LRRTM3: variants seen among roughly 807,000 people sequenced by gnomAD.
LRRTM3 encodes the protein leucine-rich repeat transmembrane neuronal protein 3.
A neutral mutation model predicts 44.7 loss-of-function variants in LRRTM3; 24 were observed. That is an observed-to-expected ratio of 0.54 (90% CI 0.39 to 0.76). The LOEUF is 0.76. Ranked by LOEUF, LRRTM3 falls within the 30% of genes least tolerant of loss-of-function variation. The pLI is 0.00. For synonymous variants in LRRTM3, 277 were observed against 278.7 expected, an observed-to-expected ratio of 0.99 and a Z score of 0.06; for missense variants, 587 against 702.2, an observed-to-expected ratio of 0.84 and a Z score of 1.85.
At chr10:66,947,348 C>G (rs1198063794) in intron 2 of LRRTM3, among the ~76,000 whole-genome samples, 1 of 152,154 alleles carries the variant, frequency 6.6e-6, no homozygotes, top group Non-Finnish European at 1.5e-5. Flanking sequence ...CTATCACACT[C>G]AATGCTGGTT....
At chr10:67,065,755 A>G (rs1247970927) in intron 2 of LRRTM3, among the ~76,000 whole-genome samples, 1 of 152,174 alleles carries the variant, frequency 6.6e-6, no homozygotes, top group African/African-American at 2.4e-5. Context: ...TATGTGAATG[A>G]CCAAATGGAA....
intron 2 of LRRTM3, among the ~76,000 whole-genome samples, chr10:67,005,703 T>TTTTTTTTTTTTTTTTTTA (rs1417141930): frequency 7.3e-6 from 1 of 136,220 alleles, no homozygotes. Context: ...TTTTTTTTTT[T>TTTTTTTTTTTTTTTTTTA]GAGACGGAGT....
intron 2 of LRRTM3, chr10:67,012,440 AGCTCACAATTGT>A (rs1287998470): frequency 6.6e-6 from 1 of 152,210 alleles, no homozygotes; most frequent in Non-Finnish European, 1.5e-5. Context: ...AAATTGTTAT[AGCTCACAATTGT>A]GAGGAAATTA....
chr10:67,035,963 C>G (rs1376375217), intron 2 of LRRTM3, among the ~76,000 whole-genome samples: 1 of 152,020 alleles, frequency 6.6e-6, no homozygotes, highest in Admixed American at 6.6e-5. Flanking sequence ...TCTTGCTTTT[C>G]TTTTTTGACA....
intron 2 of LRRTM3, among the ~76,000 whole-genome samples, chr10:66,943,263 C>T (rs1476377879): frequency 6.6e-6 from 1 of 152,044 alleles, no homozygotes; most frequent in African/African-American, 2.4e-5. Flanking sequence ...TAGCATAAAC[C>T]TCATAGAGCT....
intron 2 of LRRTM3, among the ~76,000 whole-genome samples, chr10:66,959,584 A>G (rs1849007520): frequency 6.6e-6 from 1 of 152,114 alleles, no homozygotes; most frequent in African/African-American, 2.4e-5. Flanking sequence ...AATCTGGAAA[A>G]TGAACTGGTG....
chr10:66,932,321 GAACTCAAAT>G (rs1847449237), intron 2 of LRRTM3, among the ~76,000 whole-genome samples: 1 of 152,160 alleles, frequency 6.6e-6, no homozygotes, highest in South Asian at 2.1e-4. Context: ...ACCAAAATGA[GAACTCAAAT>G]CGTTTATTTA....
chr10:67,087,100 T>C (rs1857351744), intron 2 of LRRTM3, among the ~76,000 whole-genome samples: 1 of 152,106 alleles, frequency 6.6e-6, no homozygotes, highest in African/African-American at 2.4e-5. Context: ...CTCATCACTT[T>C]ACCTGGCAAT....
At chr10:66,934,674 T>C (rs952349360) in intron 2 of LRRTM3, among the ~76,000 whole-genome samples, 7 of 152,142 alleles carry the variant, frequency 4.6e-5, no homozygotes, top group African/African-American at 1.4e-4. Flanking sequence ...GGACTTTATG[T>C]ATAGGGGTAC....
chr10:67,065,358 G>A (rs1211484980), intron 2 of LRRTM3, among the ~76,000 whole-genome samples: 2 of 152,116 alleles, frequency 1.3e-5, no homozygotes, highest in Non-Finnish European at 2.9e-5. Context: ...TTATGAAAAT[G>A]AGGAGGCTTT....
At chr10:66,980,567 C>CAGGAA (rs1850370458) in intron 2 of LRRTM3, among the ~76,000 whole-genome samples, 1 of 152,080 alleles carries the variant, frequency 6.6e-6, no homozygotes, top group Non-Finnish European at 1.5e-5. Context: ...GACCTTCCTA[C>CAGGAA]CCACCTGTGA....
chr10:66,982,218 G>A (rs917218433), intron 2 of LRRTM3, among the ~76,000 whole-genome samples: 1 of 152,172 alleles, frequency 6.6e-6, no homozygotes, highest in Non-Finnish European at 1.5e-5. Flanking sequence ...CCCTTTAAGG[G>A]CAGCCAAGAG....
chr10:66,966,251 A>G (rs1849404082), intron 2 of LRRTM3, among the ~76,000 whole-genome samples: 2 of 152,178 alleles, frequency 1.3e-5, no homozygotes, highest in Non-Finnish European at 2.9e-5. Flanking sequence ...TAGGAAAAAT[A>G]AGTTCCTTTT....
At chr10:67,000,802 A>G (rs944433402) in intron 2 of LRRTM3, among the ~76,000 whole-genome samples, 1 of 152,164 alleles carries the variant, frequency 6.6e-6, no homozygotes, top group Non-Finnish European at 1.5e-5. Flanking sequence ...AAGAGTAGAG[A>G]AGAATGCCAG....
intron 2 of LRRTM3, among the ~76,000 whole-genome samples, chr10:67,018,909 C>T (rs1852820286): frequency 6.6e-6 from 1 of 152,200 alleles, no homozygotes; most frequent in African/African-American, 2.4e-5. Context: ...ACTAGCTAAT[C>T]TGGCAAGTGG....
intron 2 of LRRTM3, among the ~76,000 whole-genome samples, chr10:66,961,978 G>A (rs892686294): frequency 4.6e-5 from 7 of 152,086 alleles, no homozygotes; most frequent in East Asian, 3.9e-4. Flanking sequence ...AAGACTCCAC[G>A]CTGTAAATGT....
chr10:66,965,354 G>A (rs1376802222), intron 2 of LRRTM3, among the ~76,000 whole-genome samples: 2 of 151,968 alleles, frequency 1.3e-5, no homozygotes, highest in African/African-American at 4.8e-5. Context: ...GGCCAACATG[G>A]TGAAACCCTG....
intron 2 of LRRTM3, among the ~76,000 whole-genome samples, chr10:67,088,385 T>C (rs2131899964): frequency 6.6e-6 from 1 of 152,032 alleles, no homozygotes; most frequent in South Asian, 2.1e-4. Context: ...CAATCCATAT[T>C]TATTTTTTCT....
chr10:67,014,906 T>C (rs1375588795), intron 2 of LRRTM3, among the ~76,000 whole-genome samples: 3 of 152,098 alleles, frequency 2.0e-5, no homozygotes, highest in East Asian at 1.9e-4. Context: ...AATCAAATTA[T>C]ATATGCATTT....
Sources: gnomAD v4.1 joint callset for allele counts (sites outside exome capture counted in the v4.1 genomes callset) on GRCh38, gnomAD v4.1.1 for gene constraint, MANE v1.5 for transcripts, NCBI Gene and HGNC (gene_info 2026-07-23, HGNC 2026-07-21) for gene names.